BAAT: variants seen among roughly 807,000 people sequenced by gnomAD.
BAAT encodes the protein bile acid CoA: amino acid N-acyltransferase (glycine N-choloyltransferase).
A neutral mutation model predicts 18.9 loss-of-function variants in BAAT; 13 were observed. That is an observed-to-expected ratio of 0.69 (90% CI 0.45 to 1.10). The LOEUF is 1.10. BAAT is among the 50% of genes least tolerant of loss of function. The pLI is 0.00. For synonymous variants in BAAT, 170 were observed against 190.7 expected (o/e 0.89, Z 0.89); for missense variants, 489 against 504.0 (o/e 0.97, Z 0.28).
At chr9:101,381,692 T>C (rs903144066) in intron 1 of BAAT, among the ~76,000 whole-genome samples, 1 of 152,154 alleles carries the variant, frequency 6.6e-6, no homozygotes, top group Non-Finnish European at 1.5e-5. Flanking sequence ...TATATGTGTA[T>C]ATATAGATGA....
At chr9:101,368,554 C>T (rs1443977811) in intron 2 of BAAT, among the ~76,000 whole-genome samples, 1 of 152,012 alleles carries the variant, frequency 6.6e-6, no homozygotes, top group East Asian at 1.9e-4. Context: ...CAGCCTTCTA[C>T]CTGGGGCAGA....
intron 1 of BAAT, among the ~76,000 whole-genome samples, chr9:101,374,171 C>G (rs1488115860): frequency 6.6e-6 from 1 of 152,118 alleles, no homozygotes; most frequent in Non-Finnish European, 1.5e-5. Context: ...TACACTAAAT[C>G]CAAACAGTAC....
intron 1 of BAAT, among the ~76,000 whole-genome samples, chr9:101,377,162 A>G (rs1311300851): frequency 6.6e-6 from 1 of 152,198 alleles, no homozygotes; most frequent in Non-Finnish European, 1.5e-5. Flanking sequence ...TATTAATGAG[A>G]GATAATAAAA....
chr9:101,369,367 CTGAT>C (rs1411736478), intron 2 of BAAT, among the ~76,000 whole-genome samples: 5 of 152,194 alleles, frequency 3.3e-5, no homozygotes, highest in African/African-American at 9.7e-5. Flanking sequence ...TTTTTACCAT[CTGAT>C]TGACAAGAAT....
chr9:101,382,646 C>T (rs1048799126), intron 1 of BAAT, among the ~76,000 whole-genome samples: 5 of 152,122 alleles, frequency 3.3e-5, no homozygotes, highest in African/African-American at 1.2e-4. Context: ...TTGCCTTGGT[C>T]TCTTTTACTG....
Position 101,371,258 on chromosome 9 carries a change from G to A in BAAT, c.147C>T (p.His49=), listed in dbSNP as rs137898002. The change falls in exon 2 of 4, where the codon CAC becomes CAT. Residue 49 remains histidine, a synonymous_variant. Transcript: ENST00000259407. ...CCTCACCGAATTCATTGGCCCTATA[G>A]TGGGCTTGAGAATAAAACATGTCTC... ...ENGDMFYSQA[H]YRANEFGEVD... 1.4e-4 allele frequency: 229 copies of A among 1,613,176 alleles called. 2 individuals carry two copies. The East Asian group carries it at 5.1e-3, about 36-fold the overall frequency.
intron 3 of BAAT, among the ~76,000 whole-genome samples, chr9:101,364,657 TAG>T (rs1458674706): frequency 6.6e-6 from 1 of 152,188 alleles, no homozygotes; most frequent in Non-Finnish European, 1.5e-5. Context: ...TATTTTAATT[TAG>T]AGTATAAGGT....
chr9:101,370,203 A>G (rs1347117432), intron 2 of BAAT, among the ~76,000 whole-genome samples: 1 of 152,154 alleles, frequency 6.6e-6, no homozygotes, highest in Non-Finnish European at 1.5e-5. Flanking sequence ...TAGAGCTATA[A>G]GATAAGGCTG....
chr9:101,363,088 A>C, intron 3 of BAAT, 73 bp from the exon 4 acceptor site: 1 of 1,411,050 alleles, frequency 7.1e-7, no homozygotes, highest in Non-Finnish European at 9.8e-7. Context: ...CAAACAACCA[A>C]AGAACTTCAC....
intron 2 of BAAT, among the ~76,000 whole-genome samples, chr9:101,368,992 G>C (rs568495043): frequency 7.9e-5 from 12 of 152,136 alleles, no homozygotes; most frequent in Non-Finnish European, 1.5e-4. Context: ...TTATGTAAAT[G>C]ATGAGCCCCT....
At chr9:101,379,735 C>T (rs1185951621) in intron 1 of BAAT, among the ~76,000 whole-genome samples, 1 of 152,218 alleles carries the variant, frequency 6.6e-6, no homozygotes, top group Non-Finnish European at 1.5e-5. Flanking sequence ...TACAAGAAGT[C>T]TCTAAAGACA....
chr9:101,372,887 C>T (rs975058731), intron 1 of BAAT, among the ~76,000 whole-genome samples: 14 of 152,080 alleles, frequency 9.2e-5, no homozygotes, highest in African/African-American at 3.4e-4. Flanking sequence ...AACTAGAATT[C>T]CAAGAAACTG....
At chr9:101,372,977 A>G (rs1285301161) in intron 1 of BAAT, among the ~76,000 whole-genome samples, 1 of 152,200 alleles carries the variant, frequency 6.6e-6, no homozygotes, top group East Asian at 1.9e-4. Flanking sequence ...TCAGGGGTGC[A>G]AGCTGAAAGA....
intron 2 of BAAT, 97 bp from the exon 3 acceptor site, chr9:101,368,419 T>G (rs1045818587): frequency 9.4e-7 from 1 of 1,063,438 alleles, no homozygotes; most frequent in Non-Finnish European, 1.4e-6. Flanking sequence ...GATTAGATAA[T>G]AAAAGATAAA....
At chr9:101,384,374 A>C (rs563387668) in intron 1 of BAAT, among the ~76,000 whole-genome samples, 45 of 152,198 alleles carry the variant, frequency 3.0e-4, no homozygotes, top group Non-Finnish European at 5.7e-4. Flanking sequence ...GAAAAGGCTT[A>C]ATCTCATTAT....
At chr9:101,369,024 A>AT (rs1023420358) in intron 2 of BAAT, among the ~76,000 whole-genome samples, 4 of 152,168 alleles carry the variant, frequency 2.6e-5, no homozygotes, top group African/African-American at 9.7e-5. Context: ...CGCCATGTTC[A>AT]TTTTTTGCAG....
chr9:101,377,184 C>T lies in BAAT; in HGVS notation c.-59-5721G>A, dbSNP rs367651843. 1.4e-4 allele frequency among the ~76,000 whole-genome samples: 22 copies of T among 152,112 alleles called. No individual in the cohort carries two copies. The East Asian group carries it at 2.1e-3, about 15-fold the overall frequency. ...GAGAGATAATAAAATTTTTGTTTAC[C>T]TTTTGAGTCTTAATACAACACTATC... is the stretch of plus-strand genomic sequence containing the variant. On this transcript the variant is annotated intron_variant, in intron 1 of 3. Coordinates refer to ENST00000259407, the MANE Select transcript of BAAT (RefSeq NM_001701.4).
chr9:101,372,088 A>G (rs1174709048), intron 1 of BAAT, among the ~76,000 whole-genome samples: 1 of 152,148 alleles, frequency 6.6e-6, no homozygotes, highest in East Asian at 1.9e-4. Flanking sequence ...CTCAATTATA[A>G]GTGGGAGCTA....
At chr9:101,370,141 G>A (rs1829906110) in intron 2 of BAAT, among the ~76,000 whole-genome samples, 1 of 151,982 alleles carries the variant, frequency 6.6e-6, no homozygotes, top group Admixed American at 6.6e-5. Flanking sequence ...ACAAGGATCT[G>A]GGATATGGTT....
Sources: allele counts gnomAD v4.1 joint callset (sites outside exome capture counted in the v4.1 genomes callset), GRCh38; gene constraint gnomAD v4.1.1; transcripts MANE v1.5; gene names NCBI Gene and HGNC (gene_info 2026-07-23, HGNC 2026-07-21).